The following ERO1B variants were observed in gnomAD, a reference collection of about 807,000 sequenced individuals.
ERO1B encodes the protein endoplasmic reticulum oxidoreductase 1 beta.
In ERO1B, 49 loss-of-function variants were observed where a neutral mutation model predicts 75.3. The observed-to-expected ratio is 0.65, with a 90% confidence interval of 0.52 to 0.83. The LOEUF (loss-of-function observed/expected upper bound fraction) is 0.83, where lower values mean the gene tolerates loss of function less well. Ranked by LOEUF, ERO1B falls within the 40% of genes least tolerant of loss-of-function variation. ERO1B has a pLI of 0.00. For missense variants in ERO1B, 512 were observed against 560.1 expected, an observed-to-expected ratio of 0.91 and a Z score of 0.87; for synonymous variants, 191 against 192.9, an observed-to-expected ratio of 0.99 and a Z score of 0.08.
intron 1 of ERO1B, among the ~76,000 whole-genome samples, chr1:236,276,585 C>T (rs183972815): frequency 2.0e-5 from 3 of 152,200 alleles, no homozygotes; most frequent in African/African-American, 7.2e-5. Context: ...AAGAACAAAC[C>T]GTTGGCCTTA....
At chr1:236,232,997 C>T (rs12406204) in intron 8 of ERO1B, among the ~76,000 whole-genome samples, 158 bp from the exon 9 acceptor site, 10,374 of 152,060 alleles carry the variant, frequency 0.068, 741 homozygotes, top group East Asian at 0.39. Flanking sequence ...AATCAGAATA[C>T]AGGTCAAAGA....
At chr1:236,228,192 C>T (rs988177890) in intron 10 of ERO1B, among the ~76,000 whole-genome samples, 2 of 152,118 alleles carry the variant, frequency 1.3e-5, no homozygotes, top group African/African-American at 4.8e-5. Flanking sequence ...AAACCAGGAC[C>T]TGGAAAACTG....
intron 5 of ERO1B, among the ~76,000 whole-genome samples, chr1:236,243,783 GTAGT>G (rs1664770901): frequency 6.6e-6 from 1 of 152,042 alleles, no homozygotes; most frequent in Non-Finnish European, 1.5e-5. Flanking sequence ...CATATAACAT[GTAGT>G]TAAACACAAA....
In ERO1B at chr1:236,239,911, A is replaced by ATT. The variant is rs1218642025; in HGVS notation, c.505+3509_505+3510dup. ...TGTGTGTATATATATATATATATATATTTTTTTTTTTTGCGATGAGGCTGA... is the reference window on the plus strand; with the variant it reads ...TGTGTGTATATATATATATATATATATTTTTTTTTTTTTTGCGATGAGGCTGA... On this transcript the variant is annotated intron_variant, in intron 6 of 15. Transcript: ENST00000354619. 1.1e-3 allele frequency among the ~76,000 whole-genome samples: 115 copies of ATT among 106,938 alleles called. 1 individual carries two copies. Among genetic ancestry groups the ATT allele is most frequent in the African/African-American group, 1.5e-3 (37 of 24,662 alleles). The allele number at this position is 106,938 out of a possible 152,430, so 70.2% of individuals were successfully genotyped here. A position where few individuals can be genotyped will look rare whatever the true frequency, so the allele number is the denominator to read the frequency against.
At chr1:236,265,625 TAC>T (rs1239077503) in intron 2 of ERO1B, among the ~76,000 whole-genome samples, 1 of 152,224 alleles carries the variant, frequency 6.6e-6, no homozygotes, top group African/African-American at 2.4e-5. Flanking sequence ...CTTCTACCCT[TAC>T]AGTCTTTTTT....
intron 6 of ERO1B, among the ~76,000 whole-genome samples, 166 bp from the exon 7 acceptor site, chr1:236,236,564 T>C (rs3768101): frequency 0.068 from 10,369 of 152,250 alleles, 735 homozygotes; most frequent in East Asian, 0.39. Flanking sequence ...CTGTACTTGA[T>C]GCAAGATTTG....
chr1:236,236,279 T>A lies in ERO1B; in HGVS notation c.625A>T (p.Lys209Ter). The A allele has an allele frequency of 6.2e-7, 1 of 1,613,738 alleles. No homozygotes were observed. The highest frequency in any genetic ancestry group is 8.5e-7 in the Non-Finnish European group (1 of 1,179,778). ...TCTTCCCCCACCCCCTCCAGTTACT[T>A]GAAACAGTTCTCTTCATAGATGCTG... ...WNSIYEENCF[K>*]PRSVYRPLNP... The change falls in exon 7 of 16, where the codon AAG becomes TAG. Residue 209 changes from lysine (K) to a stop codon, truncating the protein, a stop_gained and splice_region_variant. Coordinates refer to ENST00000354619, the MANE Select transcript of ERO1B (RefSeq NM_019891.4). LOFTEE classifies it high-confidence loss of function.
At chr1:236,230,879 G>T (rs1239786845) in intron 9 of ERO1B, among the ~76,000 whole-genome samples, 1 of 151,848 alleles carries the variant, frequency 6.6e-6, no homozygotes, top group Non-Finnish European at 1.5e-5. Context: ...AGGATTGCTT[G>T]AGCCCAGGAG....
At position 236,263,778 on chromosome 1, in the gene ERO1B, C is replaced by CTTTTTTTT; in HGVS notation, c.222+6089_222+6096dup. Among the ~76,000 whole-genome samples, 49 of 80,282 alleles carry CTTTTTTTT rather than the reference C, an allele frequency of 6.1e-4. 4 individuals carry two copies. The highest frequency in any genetic ancestry group is 8.9e-4 in the African/African-American group (17 of 19,130). The allele number at this position is 80,282 out of a possible 152,430, so 52.7% of individuals were successfully genotyped here. A position where few individuals can be genotyped will look rare whatever the true frequency, so the allele number is the denominator to read the frequency against. On this transcript the variant is annotated intron_variant, in intron 2 of 15. Coordinates refer to ENST00000354619, the MANE Select transcript of ERO1B (RefSeq NM_019891.4). ...TATATTTTTTGTTTTATTTTGTTTG[C>CTTTTTTTT]TTTTTTTTTTTTTTTTTTTTTTTTT... is the stretch of plus-strand genomic sequence containing the variant.
intron 9 of ERO1B, among the ~76,000 whole-genome samples, chr1:236,232,037 T>C (rs1303890030): frequency 5.3e-5 from 8 of 152,200 alleles, no homozygotes; most frequent in Non-Finnish European, 7.3e-5. Context: ...TATCCAATTG[T>C]ACGGATCTAA....
chr1:236,225,209 A>ACAG, intron 12 of ERO1B, 70 bp from the exon 13 acceptor site: 1 of 1,403,904 alleles, frequency 7.1e-7, no homozygotes, highest in Non-Finnish European at 1.0e-6. Context: ...GAAACCTGAT[A>ACAG]AAATTTTCTA....
chr1:236,215,753 C>T lies in ERO1B; in HGVS notation c.*2763G>A, dbSNP rs1446572218. 6.6e-6 allele frequency: 1 copy of T among 152,020 alleles called. No homozygotes were observed. The highest frequency in any genetic ancestry group is 1.9e-4 in the East Asian group (1 of 5,190). The allele number at this position is 152,020 out of a possible 1,614,324, so 9.4% of individuals were successfully genotyped here. ...CTAATCTGTGTATTTTGGTGAGTAG[C>T]TATGGTTTCTGCAGGTACCTCAGTT... On this transcript the variant is annotated 3_prime_UTR_variant, in exon 16 of 16. Transcript: ENST00000354619.
intron 6 of ERO1B, among the ~76,000 whole-genome samples, chr1:236,237,169 G>A (rs1246279304): frequency 1.4e-5 from 2 of 143,536 alleles, no homozygotes; most frequent in Non-Finnish European, 3.0e-5. Context: ...GCCTAAGCTG[G>A]AGTGCAGTGG....
chr1:236,277,877 C>A (rs1159266295), intron 1 of ERO1B, among the ~76,000 whole-genome samples: 1 of 152,112 alleles, frequency 6.6e-6, no homozygotes, highest in East Asian at 1.9e-4. Context: ...TTATTAAAAT[C>A]TTTTTGGCCA....
intron 6 of ERO1B, among the ~76,000 whole-genome samples, chr1:236,238,312 T>G (rs1272339292): frequency 6.6e-6 from 1 of 152,172 alleles, no homozygotes; most frequent in African/African-American, 2.4e-5. Flanking sequence ...ACAGATTGAC[T>G]CAGGGCTCAA....
At chr1:236,257,152 A>G (rs1665177057) in intron 2 of ERO1B, among the ~76,000 whole-genome samples, 1 of 152,248 alleles carries the variant, frequency 6.6e-6, no homozygotes, top group East Asian at 1.9e-4. Flanking sequence ...CTTGGAGGCC[A>G]CTAAGAACAG....
At chr1:236,231,275 G>A (rs1013698955) in intron 9 of ERO1B, among the ~76,000 whole-genome samples, 8 of 152,144 alleles carry the variant, frequency 5.3e-5, no homozygotes, top group Admixed American at 4.6e-4. Flanking sequence ...ACATTCCTGG[G>A]GTCAGGGAGA....
intron 2 of ERO1B, among the ~76,000 whole-genome samples, chr1:236,259,981 A>G (rs1469114703): frequency 2.0e-5 from 3 of 152,238 alleles, no homozygotes; most frequent in Non-Finnish European, 2.9e-5. Flanking sequence ...ATGTTAGGCC[A>G]CAAAACAAGT....
At chr1:236,227,844 T>G (rs1664315157) in intron 10 of ERO1B, among the ~76,000 whole-genome samples, 1 of 152,210 alleles carries the variant, frequency 6.6e-6, no homozygotes, top group African/African-American at 2.4e-5. Flanking sequence ...TAATTGGGAA[T>G]TCTTGCTAGA....
Sources: allele counts gnomAD v4.1 joint callset (sites outside exome capture counted in the v4.1 genomes callset), GRCh38; gene constraint gnomAD v4.1.1; transcripts MANE v1.5; gene names NCBI Gene and HGNC (gene_info 2026-07-23, HGNC 2026-07-21).